The following DCTD variants were observed in gnomAD, a reference collection of about 807,000 sequenced individuals.
The protein encoded by DCTD is deoxycytidylate deaminase.
DCTD carries 23 observed loss-of-function variants against 21.0 expected under a neutral mutation model. The ratio of observed to expected loss-of-function variants is 1.09; its 90% CI spans 0.79 to 1.55. DCTD has a LOEUF of 1.55. Among genes scored for constraint, DCTD ranks in the 40% most tolerant of loss-of-function variants. DCTD has a pLI of 0.00. For missense variants in DCTD, 224 were observed against 230.0 expected (o/e 0.97, Z 0.17); for synonymous variants, 71 against 81.1 (o/e 0.88, Z 0.67).
intron 3 of DCTD, among the ~76,000 whole-genome samples, chr4:182,906,090 C>T (rs887724491): frequency 6.6e-5 from 10 of 152,156 alleles, no homozygotes; most frequent in Admixed American, 6.5e-5. Context: ...TCCCGGCTGG[C>T]GAGTCGCTGT....
chr4:182,917,243 G>T lies in DCTD; in HGVS notation c.-8+68C>A. ...GCCAGCGCCCCGCGCCACGCGCTCG[G>T]GACGGTGCCACGCGGCGGTGGCTAG... On this transcript the variant is annotated intron_variant, in intron 1 of 5. Coordinates refer to ENST00000438320, the MANE Select transcript of DCTD (RefSeq NM_001921.3). The surrounding 1 kb of genome is among the most constrained non-coding windows in gnomAD (Gnocchi z 4.9). 4 of 1,006,666 alleles carry T rather than the reference G, an allele frequency of 4.0e-6. No individual in the cohort carries two copies. The highest frequency in any genetic ancestry group is 4.7e-6 in the Non-Finnish European group (4 of 845,228). 62.4% of individuals were successfully genotyped at this position (1,006,666 alleles called of 1,614,324 possible).
chr4:182,917,379 C>G lies in DCTD; in HGVS notation c.-76G>C. ...CGCCGCCGTGCTCAGGGAAGGAAGT[C>G]GGGGGAGGAGGCGGGGCCGCCGCGG... On this transcript the variant is annotated 5_prime_UTR_variant, in exon 1 of 6. Transcript: ENST00000438320. This position sits in a 1 kb window ranked among gnomAD's most constrained non-coding sequence, Gnocchi z 4.9. The G allele has an allele frequency of 9.4e-7, 1 of 1,059,518 alleles. No homozygotes were observed. Among genetic ancestry groups the G allele is most frequent in the African/African-American group, 1.7e-5 (1 of 58,570 alleles). 65.6% of individuals were successfully genotyped at this position (1,059,518 alleles called of 1,614,324 possible).
chr4:182,897,232 A>T (rs777300885), intron 3 of DCTD, among the ~76,000 whole-genome samples: 4 of 152,030 alleles, frequency 2.6e-5, no homozygotes, highest in Admixed American at 6.6e-5. Context: ...AGCATTATAA[A>T]CAGACTTCCT....
At chr4:182,899,175 G>A (rs572189373) in intron 3 of DCTD, among the ~76,000 whole-genome samples, 8 of 152,242 alleles carry the variant, frequency 5.3e-5, no homozygotes, top group African/African-American at 9.6e-5. Context: ...GGAGGGTCTC[G>A]TCATCATGAA....
intron 3 of DCTD, among the ~76,000 whole-genome samples, chr4:182,904,831 C>T (rs1249349646): frequency 1.3e-5 from 2 of 152,136 alleles, no homozygotes; most frequent in Non-Finnish European, 2.9e-5. Flanking sequence ...GCTGTCCTCC[C>T]ACCTCCCCTC....
chr4:182,910,051 T>C (rs1458783775), intron 3 of DCTD, among the ~76,000 whole-genome samples: 1 of 152,132 alleles, frequency 6.6e-6, no homozygotes, highest in Non-Finnish European at 1.5e-5. Flanking sequence ...AGAGCCCCAC[T>C]TCTACCCAAC....
At chr4:182,900,818 T>C (rs1735592238) in intron 3 of DCTD, among the ~76,000 whole-genome samples, 1 of 151,658 alleles carries the variant, frequency 6.6e-6, no homozygotes, top group Non-Finnish European at 1.5e-5. Context: ...CAGAAGAGAC[T>C]TTCTGTTTCA....
At chr4:182,896,751 T>C (rs1734807102) in intron 3 of DCTD, among the ~76,000 whole-genome samples, 1 of 152,190 alleles carries the variant, frequency 6.6e-6, no homozygotes, top group Non-Finnish European at 1.5e-5. Context: ...TTACATGTAA[T>C]TGTTTCTTTT....
chr4:182,902,448 C>T (rs1426852496), intron 3 of DCTD, among the ~76,000 whole-genome samples: 2 of 152,168 alleles, frequency 1.3e-5, no homozygotes, highest in Non-Finnish European at 2.9e-5. Context: ...CAACAGATAT[C>T]ACTTCTCTAA....
At chr4:182,896,284 C>T (rs1049022616) in intron 3 of DCTD, among the ~76,000 whole-genome samples, 15 of 152,342 alleles carry the variant, frequency 9.8e-5, no homozygotes, top group Non-Finnish European at 2.9e-5. Context: ...GCTGCAGCTA[C>T]CTCTGTGTGC....
intron 3 of DCTD, among the ~76,000 whole-genome samples, chr4:182,914,064 G>A (rs1738233812): frequency 6.6e-6 from 1 of 152,172 alleles, no homozygotes. Context: ...CTGGAGTGCA[G>A]TGGCGCAGTC....
chr4:182,902,210 C>G (rs1735874946), intron 3 of DCTD, among the ~76,000 whole-genome samples: 2 of 152,132 alleles, frequency 1.3e-5, no homozygotes, highest in South Asian at 2.1e-4. Flanking sequence ...CCCCCCACAA[C>G]CCCCACCAAG....
At chr4:182,906,017 C>G (rs746210828) in intron 3 of DCTD, among the ~76,000 whole-genome samples, 2 of 152,126 alleles carry the variant, frequency 1.3e-5, no homozygotes, top group African/African-American at 2.4e-5. Context: ...CCATCTCCAG[C>G]CAGGCCTCTC....
At position 182,917,306 on chromosome 4, in the gene DCTD, C is replaced by T; in HGVS notation, c.-8+5G>A. 3 of 1,081,902 alleles carry T rather than the reference C, an allele frequency of 2.8e-6. No homozygotes were observed. Among genetic ancestry groups the T allele is most frequent in the Non-Finnish European group, 3.4e-6 (3 of 893,468 alleles). The allele number at this position is 1,081,902 out of a possible 1,614,324, so 67.0% of individuals were successfully genotyped here. A position where few individuals can be genotyped will look rare whatever the true frequency, so the allele number is the denominator to read the frequency against. ...CGCGTACCCGCACGGCTGGCCCCCG[C>T]CCACCATCCGGTGCCGGCTCCGCGC... On this transcript the variant is annotated splice_donor_5th_base_variant and intron_variant, in intron 1 of 5. Transcript: ENST00000438320. The surrounding 1 kb of genome is among the most constrained non-coding windows in gnomAD (Gnocchi z 4.9).
chr4:182,910,245 C>T (rs1579760515), intron 3 of DCTD, among the ~76,000 whole-genome samples: 1 of 152,200 alleles, frequency 6.6e-6, no homozygotes, highest in Non-Finnish European at 1.5e-5. Context: ...ATCAGCAAGG[C>T]CACAAGTGCT....
At chr4:182,896,208 G>C (rs113709149) in intron 3 of DCTD, among the ~76,000 whole-genome samples, 2,814 of 152,288 alleles carry the variant, frequency 0.018, 97 homozygotes, top group African/African-American at 0.065. Context: ...TACTGAGCAC[G>C]TACTCTGGGT....
intron 3 of DCTD, among the ~76,000 whole-genome samples, chr4:182,909,771 G>A (rs980745706): frequency 9.2e-5 from 14 of 152,156 alleles, no homozygotes; most frequent in African/African-American, 1.4e-4. Context: ...ATGGCAGTCA[G>A]GAAAATGTCA....
At chr4:182,894,440 C>G (rs143658463) in intron 4 of DCTD, 49 bp downstream of exon 4, 2 of 1,112,178 alleles carry the variant, frequency 1.8e-6, no homozygotes, top group Admixed American at 3.4e-5. Context: ...GAGCTACTGA[C>G]GAGCAGGCAG....
intron 3 of DCTD, among the ~76,000 whole-genome samples, chr4:182,913,212 C>T (rs1448445897): frequency 6.6e-6 from 1 of 152,164 alleles, no homozygotes; most frequent in Admixed American, 6.5e-5. Flanking sequence ...TCTAATTAGT[C>T]ATCCACTACC....
Sources: gnomAD v4.1 joint callset for allele counts (sites outside exome capture counted in the v4.1 genomes callset) on GRCh38, gnomAD v4.1.1 for gene constraint, Gnocchi (gnomAD v3.1) non-coding constraint, MANE v1.5 for transcripts, NCBI Gene and HGNC (gene_info 2026-07-23, HGNC 2026-07-21) for gene names.